The following TECPR2 variants were observed in gnomAD, a reference collection of about 807,000 sequenced individuals.
TECPR2 encodes tectonin beta-propeller repeat-containing protein 2.
In TECPR2, 65 loss-of-function variants were observed where a neutral mutation model predicts 138.1. The ratio of observed to expected loss-of-function variants is 0.47; its 90% CI spans 0.39 to 0.58. The LOEUF (loss-of-function observed/expected upper bound fraction) is 0.58. TECPR2 is among the 20% of genes least tolerant of loss of function. The probability of loss-of-function intolerance (pLI) is 0.00; values close to 1 mark genes in which losing one functional copy is unlikely to be tolerated. For missense variants in TECPR2, 1,553 were observed against 1,824.5 expected (o/e 0.85, Z 2.71); for synonymous variants, 746 against 749.8 (o/e 0.99, Z 0.08).
At chr14:102,432,551 A>C (rs1889531963) in intron 8 of TECPR2, among the ~76,000 whole-genome samples, 2 of 151,932 alleles carry the variant, frequency 1.3e-5, no homozygotes, top group African/African-American at 4.8e-5. Flanking sequence ...CCGAGTATGC[A>C]TGCCCAGCGA....
At chr14:102,372,348 C>A (rs2139651563) in intron 1 of TECPR2, among the ~76,000 whole-genome samples, 1 of 152,274 alleles carries the variant, frequency 6.6e-6, no homozygotes, top group Non-Finnish European at 1.5e-5. Context: ...TCACCACAAC[C>A]TCTGCCTTCT....
intron 4 of TECPR2, among the ~76,000 whole-genome samples, chr14:102,411,280 A>C (rs1313570361): frequency 2.0e-5 from 3 of 152,376 alleles, no homozygotes; most frequent in African/African-American, 7.2e-5. Context: ...TAATATAAGA[A>C]GGCAGGAATG....
At chr14:102,397,797 G>A (rs1047526296) in intron 2 of TECPR2, among the ~76,000 whole-genome samples, 2 of 151,824 alleles carry the variant, frequency 1.3e-5, no homozygotes, top group African/African-American at 4.8e-5. Context: ...GCGTATGAAG[G>A]CTGGGTGTGG....
chr14:102,431,840 G>C lies in TECPR2; in HGVS notation c.1129G>C (p.Val377Leu). 1 of 1,596,890 alleles carries C rather than the reference G, an allele frequency of 6.3e-7. No homozygotes were observed. The highest frequency in any genetic ancestry group is 1.1e-5 in the South Asian group (1 of 90,594). The change falls in exon 8 of 20, where the codon GTG becomes CTG. Residue 377 changes from valine (V) to leucine (L), a missense_variant. Transcript: ENST00000359520. ...GTCTGGATGCTCAGAGCGTGTCCAC[G>C]TGCAGCAAGCGGAGAAGCTGCCAGG... is the stretch of plus-strand genomic sequence containing the variant. Reference protein sequence around the residue: ...EMSGCSERVHVQQAEKLPGAT... With the variant: ...EMSGCSERVHLQQAEKLPGAT...
At chr14:102,383,609 T>C (rs1214998555) in intron 2 of TECPR2, among the ~76,000 whole-genome samples, 1 of 151,876 alleles carries the variant, frequency 6.6e-6, no homozygotes, top group Non-Finnish European at 1.5e-5. Context: ...GGTTTTACCA[T>C]GTTGGCCAGG....
intron 10 of TECPR2, 170 bp downstream of exon 10, chr14:102,438,375 C>A: frequency 1.3e-6 from 1 of 761,150 alleles, no homozygotes; most frequent in Non-Finnish European, 2.0e-6. Context: ...GGGTTGTCTC[C>A]AAAGAACGTG....
chr14:102,432,214 T>C, intron 8 of TECPR2, 86 bp downstream of exon 8: 1 of 1,251,470 alleles, frequency 8.0e-7, no homozygotes, highest in Non-Finnish European at 1.1e-6. Context: ...GAGTGAGCAA[T>C]GCTCCATACA....
chr14:102,366,594 A>G (rs1391335046), intron 1 of TECPR2, among the ~76,000 whole-genome samples: 1 of 152,000 alleles, frequency 6.6e-6, no homozygotes. Context: ...CAATCCTCCC[A>G]CCTCGGCCTC....
At chr14:102,477,651 T>C (rs1454677973) in intron 17 of TECPR2, among the ~76,000 whole-genome samples, 13 of 142,982 alleles carry the variant, frequency 9.1e-5, no homozygotes, top group Non-Finnish European at 1.7e-4. Context: ...CCTGGGTTCA[T>C]ACCATTCTCC....
At chr14:102,417,505 A>C (rs1413337850) in intron 5 of TECPR2, among the ~76,000 whole-genome samples, 4 of 152,206 alleles carry the variant, frequency 2.6e-5, no homozygotes, top group Non-Finnish European at 4.4e-5. Flanking sequence ...AGTGCTAGGC[A>C]TGGGGCAGGA....
chr14:102,495,434 G>A (rs1055829562), intron 17 of TECPR2, among the ~76,000 whole-genome samples: 15 of 152,170 alleles, frequency 9.9e-5, no homozygotes, highest in Admixed American at 9.8e-4. Context: ...CCATGGACCT[G>A]GGATTCAGAG....
intron 4 of TECPR2, among the ~76,000 whole-genome samples, chr14:102,411,953 T>TA (rs1888884492): frequency 6.6e-6 from 1 of 151,898 alleles, no homozygotes; most frequent in Non-Finnish European, 1.5e-5. Context: ...TGACAAATGG[T>TA]AGTTTCTTTA....
chr14:102,374,550 C>G (rs1887593789), intron 1 of TECPR2, among the ~76,000 whole-genome samples: 1 of 151,964 alleles, frequency 6.6e-6, no homozygotes, highest in Non-Finnish European at 1.5e-5. Flanking sequence ...TCACTTGAGC[C>G]CAGGAGTTGG....
At chr14:102,449,975 T>C (rs1811567623) in intron 14 of TECPR2, 106 bp downstream of exon 14, 1 of 1,517,096 alleles carries the variant, frequency 6.6e-7, no homozygotes. Flanking sequence ...GATAATTTAG[T>C]GCCAGTGGTA....
chr14:102,474,009 G>A (rs1285359720), intron 17 of TECPR2, among the ~76,000 whole-genome samples: 2 of 152,226 alleles, frequency 1.3e-5, no homozygotes, highest in Non-Finnish European at 2.9e-5. Flanking sequence ...TATAATCCCA[G>A]CACTTTGGGA....
At chr14:102,426,501 G>A (rs1021086216) in intron 6 of TECPR2, among the ~76,000 whole-genome samples, 11 of 152,170 alleles carry the variant, frequency 7.2e-5, no homozygotes, top group African/African-American at 2.7e-4. Flanking sequence ...TCTGAGCTCA[G>A]CGGGCCTCTG....
At chr14:102,366,751 G>A (rs1199640166) in intron 1 of TECPR2, among the ~76,000 whole-genome samples, 1 of 152,182 alleles carries the variant, frequency 6.6e-6, no homozygotes, top group Non-Finnish European at 1.5e-5. Context: ...TAGATACTAG[G>A]ATTTACCTTG....
At chr14:102,480,245 G>GA (rs1488089890) in intron 17 of TECPR2, among the ~76,000 whole-genome samples, 1 of 149,836 alleles carries the variant, frequency 6.7e-6, no homozygotes, top group Non-Finnish European at 1.5e-5. Context: ...ATTTATTTGA[G>GA]ACGGAGTCTT....
intron 17 of TECPR2, among the ~76,000 whole-genome samples, chr14:102,484,994 A>G (rs1890990718): frequency 1.3e-5 from 2 of 152,176 alleles, no homozygotes; most frequent in Non-Finnish European, 2.9e-5. Flanking sequence ...CTCTCATGGT[A>G]GTGGTGCTTG....
Sources: gnomAD v4.1 joint callset for allele counts (sites outside exome capture counted in the v4.1 genomes callset) on GRCh38, gnomAD v4.1.1 for gene constraint, MANE v1.5 for transcripts, NCBI Gene and HGNC (gene_info 2026-07-23, HGNC 2026-07-21) for gene names.